The following CDH13 variants were observed in gnomAD, a reference collection of about 807,000 sequenced individuals.
The protein encoded by CDH13 is cadherin-13.
Under a neutral mutation model 63.8 loss-of-function variants are expected in CDH13, and 24 were observed. The observed-to-expected ratio is 0.38, with a 90% CI of 0.27 to 0.53. CDH13 has a LOEUF of 0.53. Ranked by LOEUF, CDH13 falls within the 20% of genes least tolerant of loss-of-function variation. The probability of loss-of-function intolerance (pLI) is 0.85; values close to 1 mark genes in which losing one functional copy is unlikely to be tolerated. For synonymous variants in CDH13, 503 were observed against 355.3 expected, an observed-to-expected ratio of 1.42 and a Z score of -4.67; for missense variants, 1,049 against 903.1, an observed-to-expected ratio of 1.16 and a Z score of -2.07.
intron 1 of CDH13, among the ~76,000 whole-genome samples, chr16:82,704,885 G>A (rs1001718297): frequency 2.0e-5 from 3 of 152,102 alleles, no homozygotes; most frequent in Non-Finnish European, 2.9e-5. Flanking sequence ...GCCATAACAC[G>A]CAAAAGCAAC....
intron 1 of CDH13, among the ~76,000 whole-genome samples, chr16:82,675,182 A>C (rs887161109): frequency 1.3e-5 from 2 of 152,226 alleles, no homozygotes; most frequent in African/African-American, 4.8e-5. Flanking sequence ...GACACACTAC[A>C]GTGAATTAGA....
At chr16:82,651,449 C>G (rs1597221751) in intron 1 of CDH13, among the ~76,000 whole-genome samples, 2 of 152,208 alleles carry the variant, frequency 1.3e-5, no homozygotes, top group Admixed American at 1.3e-4. Context: ...CTTCAGCAAA[C>G]AATTGGCAGA....
chr16:83,032,740 G>T (rs907942706), intron 3 of CDH13, among the ~76,000 whole-genome samples: 3 of 152,128 alleles, frequency 2.0e-5, no homozygotes, highest in Non-Finnish European at 4.4e-5. Context: ...GTTCTGGTTG[G>T]CCACGTCTCG....
intron 7 of CDH13, among the ~76,000 whole-genome samples, chr16:83,569,276 T>A (rs4782818): frequency 2.6e-5 from 4 of 151,848 alleles, no homozygotes; most frequent in African/African-American, 9.7e-5. Context: ...CCTCTCCCCA[T>A]TGGAACCAGC....
At chr16:83,353,866 C>T (rs1460984527) in intron 6 of CDH13, among the ~76,000 whole-genome samples, 1 of 152,208 alleles carries the variant, frequency 6.6e-6, no homozygotes, top group Non-Finnish European at 1.5e-5. Flanking sequence ...CTTAATAGCC[C>T]TGCCCACTAA....
intron 4 of CDH13, among the ~76,000 whole-genome samples, chr16:83,187,064 G>A (rs1271635776): frequency 2.6e-5 from 4 of 152,024 alleles, no homozygotes; most frequent in East Asian, 1.9e-4. Flanking sequence ...TGCACCTCCC[G>A]AGTTCAAGTG....
chr16:82,769,921 T>A (rs758939247), intron 1 of CDH13, among the ~76,000 whole-genome samples: 1 of 152,246 alleles, frequency 6.6e-6, no homozygotes, highest in Non-Finnish European at 1.5e-5. Flanking sequence ...AACGAGCCCA[T>A]GAATGCATGG....
At chr16:83,359,888 C>G (rs1381836210) in intron 6 of CDH13, among the ~76,000 whole-genome samples, 1 of 152,134 alleles carries the variant, frequency 6.6e-6, no homozygotes, top group African/African-American at 2.4e-5. Flanking sequence ...TTGCCACAGT[C>G]AGTTTTGAAC....
intron 2 of CDH13, among the ~76,000 whole-genome samples, chr16:83,003,291 A>T (rs1466956617): frequency 6.6e-6 from 1 of 152,070 alleles, no homozygotes; most frequent in Non-Finnish European, 1.5e-5. Flanking sequence ...AGGGCTGTGG[A>T]TTGCCATCTC....
intron 10 of CDH13, among the ~76,000 whole-genome samples, chr16:83,685,862 G>T (rs920116027): frequency 6.6e-6 from 1 of 152,174 alleles, no homozygotes; most frequent in Non-Finnish European, 1.5e-5. Context: ...AGGGAATAGG[G>T]TGCCAGACCA....
intron 6 of CDH13, among the ~76,000 whole-genome samples, chr16:83,418,870 T>A (rs2071630009): frequency 6.6e-6 from 1 of 152,182 alleles, no homozygotes; most frequent in Non-Finnish European, 1.5e-5. Flanking sequence ...TTTTCCTTCT[T>A]TGGGGAGTTG....
At chr16:83,033,250 C>T (rs536223180) in intron 3 of CDH13, among the ~76,000 whole-genome samples, 1 of 152,132 alleles carries the variant, frequency 6.6e-6, no homozygotes, top group South Asian at 2.1e-4. Flanking sequence ...TCAGTGACTT[C>T]AGTATATCTA....
intron 1 of CDH13, among the ~76,000 whole-genome samples, chr16:82,698,340 A>G (rs1357553509): frequency 3.3e-5 from 5 of 152,376 alleles, no homozygotes; most frequent in East Asian, 3.9e-4. Context: ...AAAGAACTCT[A>G]TCTCCTGGGT....
chr16:83,189,278 T>A (rs1013931712), intron 4 of CDH13, among the ~76,000 whole-genome samples: 2 of 152,134 alleles, frequency 1.3e-5, no homozygotes, highest in African/African-American at 4.8e-5. Flanking sequence ...CTCCAGCCCC[T>A]CATGCACAAC....
rs930807309 is a variant in CDH13 at position 82,996,794 on chromosome 16, AATGGTG to A, written c.158-35203_158-35198del. ...TGATGACGATGGTGATGGTGGGGGT[AATGGTG>A]ATGGTGATGGTGGTGATGATGATAG... On this transcript the variant is annotated intron_variant, in intron 2 of 13. Coordinates refer to ENST00000567109, the MANE Select transcript of CDH13 (RefSeq NM_001257.5). Among the ~76,000 whole-genome samples, 20 of 150,622 alleles carry A rather than the reference AATGGTG, an allele frequency of 1.3e-4. 1 individual carries two copies. The highest frequency in any genetic ancestry group is 8.5e-4 in the South Asian group (4 of 4,706).
intron 10 of CDH13, among the ~76,000 whole-genome samples, chr16:83,723,536 T>C (rs888286281): frequency 2.0e-5 from 3 of 152,200 alleles, no homozygotes; most frequent in African/African-American, 7.2e-5. Context: ...CACTTCAGTC[T>C]CACTATCATC....
rs553234278 is a variant in CDH13 at position 83,095,528 on chromosome 16, C to T, written c.367-29857C>T. 6.2e-4 allele frequency among the ~76,000 whole-genome samples: 95 copies of T among 152,278 alleles called. 1 individual carries two copies. In the Middle Eastern group the frequency reaches 0.01, roughly 16 times the overall value. ...AGGCATTAATAACTATGTTATAATG[C>T]AAATATCACGTTATCTTTCTATGAT... On this transcript the variant is annotated intron_variant, in intron 3 of 13. Transcript: ENST00000567109.
rs1351582774 is a variant in CDH13 at position 83,281,369 on chromosome 16, C to T, written c.637-63493C>T. ...AGCCTTTATAGCACTGAAGAGAGAG[C>T]ACTTTGGTCTGGATTAGGCTTTACC... is the stretch of plus-strand genomic sequence containing the variant. On this transcript the variant is annotated intron_variant, in intron 5 of 13. Coordinates refer to ENST00000567109, the MANE Select transcript of CDH13 (RefSeq NM_001257.5). Among the ~76,000 whole-genome samples, 5 of 152,190 alleles carry T rather than the reference C, an allele frequency of 3.3e-5. No individual in the cohort carries two copies. In the East Asian group the frequency reaches 5.8e-4, roughly 18 times the overall value.
At chr16:82,663,103 A>G (rs1194817635) in intron 1 of CDH13, among the ~76,000 whole-genome samples, 2 of 152,222 alleles carry the variant, frequency 1.3e-5, no homozygotes, top group Non-Finnish European at 2.9e-5. Context: ...CCTTATCGCC[A>G]GAGACTGCGG....
Sources: allele counts gnomAD v4.1 joint callset (sites outside exome capture counted in the v4.1 genomes callset), GRCh38; gene constraint gnomAD v4.1.1; transcripts MANE v1.5; gene names NCBI Gene and HGNC (gene_info 2026-07-23, HGNC 2026-07-21).